The following FSIP1 variants were observed in gnomAD, a reference collection of about 807,000 sequenced individuals.
The protein encoded by FSIP1 is fibrous sheath-interacting protein 1.
In FSIP1, 65 loss-of-function variants were observed where a neutral mutation model predicts 60.9. The ratio of observed to expected loss-of-function variants is 1.07; its 90% CI spans 0.87 to 1.31. The LOEUF (loss-of-function observed/expected upper bound fraction) is 1.31. FSIP1 is among the 40% of genes most tolerant of loss of function. The pLI is 0.00. For synonymous variants in FSIP1, 209 were observed against 221.2 expected (o/e 0.94, Z 0.49); for missense variants, 675 against 665.5 (o/e 1.01, Z -0.16).
intron 10 of FSIP1, among the ~76,000 whole-genome samples, chr15:39,651,888 C>T (rs1189941831): frequency 6.6e-6 from 1 of 152,174 alleles, no homozygotes; most frequent in Non-Finnish European, 1.5e-5. Context: ...CTATCTCCCC[C>T]AATTCACATC....
In FSIP1 at chr15:39,644,578, A is replaced by T. The variant is rs138041543; in HGVS notation, c.1189-26333T>A. 2.3e-4 allele frequency among the ~76,000 whole-genome samples: 35 copies of T among 152,288 alleles called. No homozygotes were observed. In the East Asian group the frequency reaches 2.5e-3, roughly 11 times the overall value. ...ATGATTTGCTTTATGGTCTCCAAGA[A>T]CTCATGAGAACTTCTGCCAAAGTAG... On this transcript the variant is annotated intron_variant, in intron 10 of 11. Transcript: ENST00000350221.
At chr15:39,645,011 A>G (rs1892533690) in intron 10 of FSIP1, among the ~76,000 whole-genome samples, 2 of 152,226 alleles carry the variant, frequency 1.3e-5, no homozygotes, top group South Asian at 4.1e-4. Flanking sequence ...AAGACATAAC[A>G]ATGGCCAACA....
At chr15:39,780,316 G>T (rs1898212560) in intron 1 of FSIP1, among the ~76,000 whole-genome samples, 1 of 151,976 alleles carries the variant, frequency 6.6e-6, no homozygotes, top group Non-Finnish European at 1.5e-5. Context: ...GAGGTCAGGA[G>T]GATCAAGAAC....
intron 8 of FSIP1, among the ~76,000 whole-genome samples, chr15:39,731,816 G>A (rs1215183993): frequency 6.6e-6 from 1 of 152,212 alleles, no homozygotes; most frequent in East Asian, 1.9e-4. Context: ...AGATGTGAGT[G>A]ACCTGAGATC....
At chr15:39,623,826 C>A (rs1891536498) in intron 10 of FSIP1, among the ~76,000 whole-genome samples, 1 of 152,148 alleles carries the variant, frequency 6.6e-6, no homozygotes, top group Non-Finnish European at 1.5e-5. Context: ...CTTTCTGGGT[C>A]CATGTCATCT....
chr15:39,661,385 T>G (rs1893289555), intron 10 of FSIP1, among the ~76,000 whole-genome samples: 2 of 152,254 alleles, frequency 1.3e-5, no homozygotes, highest in African/African-American at 4.8e-5. Flanking sequence ...CATCTGAGCC[T>G]AGCTTAGCTA....
chr15:39,656,924 G>A (rs898427926), intron 10 of FSIP1, among the ~76,000 whole-genome samples: 30 of 152,196 alleles, frequency 2.0e-4, no homozygotes, highest in Admixed American at 6.5e-4. Flanking sequence ...TTGAGGGCCC[G>A]TGTGTGTTGC....
chr15:39,657,195 C>A (rs150124193), intron 10 of FSIP1, among the ~76,000 whole-genome samples: 10 of 152,292 alleles, frequency 6.6e-5, no homozygotes, highest in South Asian at 4.1e-4. Context: ...ATGTGAGAGA[C>A]CTCACTTAAG....
At chr15:39,706,057 T>C (rs75672450) in intron 10 of FSIP1, among the ~76,000 whole-genome samples, 2,347 of 152,104 alleles carry the variant, frequency 0.015, 51 homozygotes, top group African/African-American at 0.054. Flanking sequence ...CACGTACTTG[T>C]CATTTTTATC....
intron 10 of FSIP1, among the ~76,000 whole-genome samples, chr15:39,638,037 C>T (rs763825625): frequency 6.6e-6 from 1 of 152,298 alleles, no homozygotes; most frequent in South Asian, 2.1e-4. Context: ...TTGAGTTTCA[C>T]CATGCAAATT....
chr15:39,742,532 C>T (rs1372932391), intron 5 of FSIP1, among the ~76,000 whole-genome samples: 1 of 152,112 alleles, frequency 6.6e-6, no homozygotes, highest in Admixed American at 6.6e-5. Context: ...TTAACATAAA[C>T]GTTTTATTAA....
chr15:39,630,708 A>T (rs1891846632), intron 10 of FSIP1, among the ~76,000 whole-genome samples: 1 of 152,144 alleles, frequency 6.6e-6, no homozygotes, highest in Non-Finnish European at 1.5e-5. Context: ...CAGAACTAAT[A>T]AAAAAAATGA....
chr15:39,648,326 A>T (rs1472509083), intron 10 of FSIP1, among the ~76,000 whole-genome samples: 1 of 152,178 alleles, frequency 6.6e-6, no homozygotes, highest in Non-Finnish European at 1.5e-5. Context: ...TATTTGCCAA[A>T]TGTCCATAGA....
chr15:39,710,662 G>A (rs1895470297), intron 10 of FSIP1, among the ~76,000 whole-genome samples: 1 of 152,262 alleles, frequency 6.6e-6, no homozygotes, highest in East Asian at 1.9e-4. Context: ...AGGAAATCAA[G>A]TCTCAGAAAG....
chr15:39,629,317 A>C (rs1891782504), intron 10 of FSIP1, among the ~76,000 whole-genome samples: 1 of 152,210 alleles, frequency 6.6e-6, no homozygotes, highest in South Asian at 2.1e-4. Flanking sequence ...TTTACACTTC[A>C]AGGCTGACAC....
chr15:39,679,184 T>C (rs1894061829), intron 10 of FSIP1, among the ~76,000 whole-genome samples: 1 of 152,200 alleles, frequency 6.6e-6, no homozygotes, highest in African/African-American at 2.4e-5. Flanking sequence ...ATTAAACTTT[T>C]AAGAAAGATG....
At chr15:39,755,017 C>A (rs529050921) in intron 5 of FSIP1, among the ~76,000 whole-genome samples, 1 of 151,714 alleles carries the variant, frequency 6.6e-6, no homozygotes, top group South Asian at 2.1e-4. Context: ...AGAAGTCTGA[C>A]CTTTAAGGAG....
At chr15:39,649,524 CT>C (rs1310624497) in intron 10 of FSIP1, among the ~76,000 whole-genome samples, 3 of 152,164 alleles carry the variant, frequency 2.0e-5, no homozygotes, top group African/African-American at 7.2e-5. Context: ...AGATCTCTTG[CT>C]TTTGCATTTA....
chr15:39,728,698 C>G (rs921262420), intron 8 of FSIP1, among the ~76,000 whole-genome samples: 1 of 152,158 alleles, frequency 6.6e-6, no homozygotes, highest in Non-Finnish European at 1.5e-5. Context: ...TGGACATAGT[C>G]CCTGTCAAGG....
Sources: gnomAD v4.1 joint callset for allele counts (sites outside exome capture counted in the v4.1 genomes callset) on GRCh38, gnomAD v4.1.1 for gene constraint, MANE v1.5 for transcripts, NCBI Gene and HGNC (gene_info 2026-07-23, HGNC 2026-07-21) for gene names.